NBEA: variants seen among roughly 807,000 people sequenced by gnomAD.
NBEA encodes lysosomal-trafficking regulator 2.
In NBEA, 44 loss-of-function variants were observed where a neutral mutation model predicts 343.4. The ratio of observed to expected loss-of-function variants is 0.13; its 90% CI spans 0.10 to 0.16. NBEA has a LOEUF of 0.16. Ranked by LOEUF, NBEA falls within the 10% of genes least tolerant of loss-of-function variation. The probability of loss-of-function intolerance (pLI) is 1.00; values close to 1 mark genes in which losing one functional copy is unlikely to be tolerated. For synonymous variants in NBEA, 1,175 were observed against 1,238.7 expected, an observed-to-expected ratio of 0.95 and a Z score of 1.08; for missense variants, 2,555 against 3,631.3, an observed-to-expected ratio of 0.70 and a Z score of 7.62.
chr13:35,082,320 T>A (rs1347268056), intron 10 of NBEA, among the ~76,000 whole-genome samples: 5 of 152,192 alleles, frequency 3.3e-5, no homozygotes, highest in Admixed American at 2.6e-4. Flanking sequence ...TCTATCATTG[T>A]TGGACATTTG....
intron 1 of NBEA, among the ~76,000 whole-genome samples, chr13:35,005,546 G>A (rs1199553081): frequency 1.3e-5 from 2 of 152,210 alleles, no homozygotes; most frequent in Admixed American, 1.3e-4. Flanking sequence ...TAGCTTGCAA[G>A]TAGGGTAAAA....
At chr13:35,038,398 T>C (rs2062527437) in intron 1 of NBEA, among the ~76,000 whole-genome samples, 1 of 151,970 alleles carries the variant, frequency 6.6e-6, no homozygotes, top group Admixed American at 6.6e-5. Flanking sequence ...CAAGACAAAG[T>C]CCCCTTTACT....
intron 38 of NBEA, among the ~76,000 whole-genome samples, chr13:35,372,858 T>C (rs1036303903): frequency 6.6e-6 from 1 of 152,118 alleles, no homozygotes; most frequent in South Asian, 2.1e-4. Context: ...CAGGGGCTGT[T>C]GGGCCACAGG....
intron 24 of NBEA, among the ~76,000 whole-genome samples, chr13:35,167,466 A>G (rs1301722199): frequency 6.7e-6 from 1 of 149,448 alleles, no homozygotes; most frequent in Non-Finnish European, 1.5e-5. Context: ...TATATTGTTT[A>G]TAATGATAGT....
At chr13:35,477,592 T>C (rs1381118292) in intron 41 of NBEA, among the ~76,000 whole-genome samples, 2 of 152,200 alleles carry the variant, frequency 1.3e-5, no homozygotes, top group Non-Finnish European at 2.9e-5. Flanking sequence ...GAGATCAAGC[T>C]TCCTCACAGA....
intron 41 of NBEA, among the ~76,000 whole-genome samples, chr13:35,521,889 G>A (rs1026953116): frequency 6.6e-6 from 1 of 152,114 alleles, no homozygotes; most frequent in Non-Finnish European, 1.5e-5. Context: ...TAACTATTTT[G>A]GTTCCTCCTT....
At chr13:35,502,432 A>G (rs2076922616) in intron 41 of NBEA, among the ~76,000 whole-genome samples, 1 of 151,932 alleles carries the variant, frequency 6.6e-6, no homozygotes, top group East Asian at 1.9e-4. Flanking sequence ...TTTAAGTTAC[A>G]TTTATGGACA....
chr13:35,299,810 C>T (rs2036414524), intron 35 of NBEA, among the ~76,000 whole-genome samples: 1 of 152,092 alleles, frequency 6.6e-6, no homozygotes, highest in Non-Finnish European at 1.5e-5. Flanking sequence ...CTGTCATTGC[C>T]AAGAGCTTGT....
At chr13:35,061,918 T>A (rs2063481805) in intron 8 of NBEA, among the ~76,000 whole-genome samples, 2 of 151,644 alleles carry the variant, frequency 1.3e-5, no homozygotes. Flanking sequence ...GATATCCTTA[T>A]TTTTTGCTTT....
chr13:35,376,669 T>C (rs776737336), intron 38 of NBEA, among the ~76,000 whole-genome samples: 1 of 152,072 alleles, frequency 6.6e-6, no homozygotes, highest in Non-Finnish European at 1.5e-5. Flanking sequence ...GTGAAACTGA[T>C]AGGAGGAGGA....
intron 38 of NBEA, among the ~76,000 whole-genome samples, chr13:35,354,328 G>T (rs1264422416): frequency 6.6e-6 from 1 of 152,032 alleles, no homozygotes; most frequent in Non-Finnish European, 1.5e-5. Flanking sequence ...ACATTATATT[G>T]CTAGTAACGC....
chr13:35,133,130 A>T (rs186800646), intron 17 of NBEA, among the ~76,000 whole-genome samples: 19 of 152,294 alleles, frequency 1.2e-4, no homozygotes, highest in African/African-American at 4.3e-4. Context: ...GTGGATTTGT[A>T]TCCTAAACAT....
chr13:35,549,615 C>T (rs1300378374), intron 41 of NBEA, among the ~76,000 whole-genome samples: 1 of 152,140 alleles, frequency 6.6e-6, no homozygotes, highest in Non-Finnish European at 1.5e-5. Flanking sequence ...CTCATAGTTA[C>T]ACAATTGCTG....
At chr13:35,140,716 C>T (rs1457839961) in intron 17 of NBEA, among the ~76,000 whole-genome samples, 1 of 151,906 alleles carries the variant, frequency 6.6e-6, no homozygotes, top group Non-Finnish European at 1.5e-5. Flanking sequence ...TAGAAGAGAC[C>T]TTTTGCAGAT....
chr13:35,477,992 T>C (rs1311007818), intron 41 of NBEA, among the ~76,000 whole-genome samples: 1 of 152,184 alleles, frequency 6.6e-6, no homozygotes, highest in Admixed American at 6.5e-5. Flanking sequence ...GTGGATTTTT[T>C]TAATTGTCTA....
At chr13:35,355,096 A>G (rs186068754) in intron 38 of NBEA, among the ~76,000 whole-genome samples, 1 of 152,202 alleles carries the variant, frequency 6.6e-6, no homozygotes, top group East Asian at 1.9e-4. Flanking sequence ...AATCTTACTG[A>G]CACTGCCACA....
At chr13:35,412,401 A>T (rs1177153622) in intron 38 of NBEA, among the ~76,000 whole-genome samples, 1 of 152,172 alleles carries the variant, frequency 6.6e-6, no homozygotes. Context: ...TCATATATAT[A>T]CTTATACATT....
chr13:35,458,345 A>G (rs774312686), intron 40 of NBEA, among the ~76,000 whole-genome samples: 2 of 152,166 alleles, frequency 1.3e-5, no homozygotes, highest in Non-Finnish European at 2.9e-5. Context: ...CTGTCCTTTT[A>G]GACTAGATCG....
At chr13:35,615,129 C>CAAAAAA (rs34475826) in intron 48 of NBEA, among the ~76,000 whole-genome samples, 1,436 of 110,668 alleles carry the variant, frequency 0.013, 31 homozygotes, top group Non-Finnish European at 0.018. Context: ...ACTAAAAATA[C>CAAAAAA]AAAAAAAAAA....
Sources: allele counts gnomAD v4.1 joint callset (sites outside exome capture counted in the v4.1 genomes callset), GRCh38; gene constraint gnomAD v4.1.1; transcripts MANE v1.5; gene names NCBI Gene and HGNC (gene_info 2026-07-23, HGNC 2026-07-21).